COMT: variants seen among roughly 807,000 people sequenced by gnomAD.
COMT encodes catechol-O-methyltransferase, also known as catechol O-methyltransferase.
A neutral mutation model predicts 18.9 loss-of-function variants in COMT; 13 were observed. That is an observed-to-expected ratio of 0.69 (90% CI 0.45 to 1.09). The LOEUF is 1.09. Ranked by LOEUF, COMT falls within the 50% of genes least tolerant of loss-of-function variation. COMT has a pLI of 0.00. For missense variants in COMT, 329 were observed against 361.8 expected (o/e 0.91, Z 0.73); for synonymous variants, 150 against 160.9 (o/e 0.93, Z 0.51).
At chr22:19,965,824 G>A (rs1942361725) in intron 5 of COMT, among the ~76,000 whole-genome samples, 1 of 152,028 alleles carries the variant, frequency 6.6e-6, no homozygotes, top group Non-Finnish European at 1.5e-5. Context: ...GGCATTGGGA[G>A]GGTGGGAGGG....
chr22:19,958,463 C>A (rs912314564), intron 1 of COMT, among the ~76,000 whole-genome samples: 32 of 151,636 alleles, frequency 2.1e-4, no homozygotes, highest in Non-Finnish European at 4.6e-4. Flanking sequence ...CCAGGTCTGA[C>A]CACATGTTTA....
At chr22:19,953,116 G>C (rs1004769422) in intron 1 of COMT, among the ~76,000 whole-genome samples, 27 of 152,112 alleles carry the variant, frequency 1.8e-4, no homozygotes, top group Non-Finnish European at 3.7e-4. Context: ...TGATGGGGGA[G>C]TCTTTGTCCA....
intron 1 of COMT, among the ~76,000 whole-genome samples, chr22:19,952,284 G>A (rs773918936): frequency 5.3e-5 from 8 of 150,424 alleles, no homozygotes; most frequent in Non-Finnish European, 7.4e-5. Flanking sequence ...CAGCCTGGGC[G>A]GCAGAGGTGA....
intron 1 of COMT, among the ~76,000 whole-genome samples, chr22:19,959,345 G>A (rs994363541): frequency 6.6e-6 from 1 of 152,266 alleles, no homozygotes; most frequent in Non-Finnish European, 1.5e-5. Flanking sequence ...AGTGGCCGGT[G>A]ACAGCGCAGG....
At chr22:19,946,706 A>G (rs1013441583) in intron 1 of COMT, among the ~76,000 whole-genome samples, 5 of 152,186 alleles carry the variant, frequency 3.3e-5, no homozygotes, top group Non-Finnish European at 7.3e-5. Context: ...ACGATTTACA[A>G]GGAATGTTGG....
At chr22:19,954,640 C>A (rs187288737) in intron 1 of COMT, among the ~76,000 whole-genome samples, 111 of 152,154 alleles carry the variant, frequency 7.3e-4, no homozygotes, top group Non-Finnish European at 2.8e-4. Context: ...TTAATAGAGA[C>A]TGGGGTTTCA....
At chr22:19,947,295 C>T (rs1274022509) in intron 1 of COMT, among the ~76,000 whole-genome samples, 1 of 152,034 alleles carries the variant, frequency 6.6e-6, no homozygotes, top group Non-Finnish European at 1.5e-5. Context: ...GGGTTTTTCT[C>T]CCCGTGTGCA....
chr22:19,967,466 G>A (rs1448858468), intron 5 of COMT: 1 of 457,034 alleles, frequency 2.2e-6, no homozygotes, highest in South Asian at 1.6e-5. Context: ...GGACCTTGGG[G>A]CTGTCCCCTG....
At chr22:19,964,588 G>A in intron 5 of COMT, 2 of 611,702 alleles carry the variant, frequency 3.3e-6, no homozygotes, top group Non-Finnish European at 5.8e-6. Flanking sequence ...GCACACCCCA[G>A]ACCAGACACC....
At chr22:19,947,181 G>A (rs1031026039) in intron 1 of COMT, among the ~76,000 whole-genome samples, 33 of 152,224 alleles carry the variant, frequency 2.2e-4, no homozygotes, top group Admixed American at 1.8e-3. Context: ...CTTCCAAAGT[G>A]TTGGGATTAC....
intron 1 of COMT, among the ~76,000 whole-genome samples, chr22:19,952,907 C>T (rs1251501102): frequency 2.0e-5 from 3 of 151,750 alleles, no homozygotes; most frequent in African/African-American, 7.3e-5. Context: ...GCCGAGATCG[C>T]GCCACTGCAC....
chr22:19,966,433 C>G (rs1008955323), intron 5 of COMT, among the ~76,000 whole-genome samples: 2 of 85,044 alleles, frequency 2.4e-5, no homozygotes, highest in Non-Finnish European at 4.7e-5. Flanking sequence ...ATGAGTTCCC[C>G]CTTAAAAAAA....
Position 19,957,076 on chromosome 22 carries a change from G to A in COMT, c.-91-4123G>A, listed in dbSNP as rs530294648. 2.4e-3 allele frequency among the ~76,000 whole-genome samples: 358 copies of A among 149,674 alleles called. 1 individual carries two copies. The highest frequency in any genetic ancestry group is 3.7e-3 in the Non-Finnish European group (247 of 67,510). ...CGCCATTCTCCTGCCTCAGCCTCCC[G>A]AGTAGCTGGGACTACAGGTGCCTGC... is the stretch of plus-strand genomic sequence containing the variant. On this transcript the variant is annotated intron_variant, in intron 1 of 5. Transcript: ENST00000361682.
At chr22:19,947,916 A>G (rs1941865869) in intron 1 of COMT, among the ~76,000 whole-genome samples, 3 of 152,238 alleles carry the variant, frequency 2.0e-5, no homozygotes, top group African/African-American at 4.8e-5. Context: ...TGACGTTACC[A>G]CTAGACCAAG....
At chr22:19,945,054 G>C (rs1941814134) in intron 1 of COMT, among the ~76,000 whole-genome samples, 1 of 152,120 alleles carries the variant, frequency 6.6e-6, no homozygotes, top group African/African-American at 2.4e-5. Context: ...AACAGTAATT[G>C]ACCACACAGG....
rs35689277 is a variant in COMT, at chr22:19,946,910, G to GTTT, written c.-92+5034_-92+5036dup. Among the ~76,000 whole-genome samples, 60 of 117,088 alleles carry GTTT rather than the reference G, an allele frequency of 5.1e-4. 2 individuals carry two copies. Among genetic ancestry groups the GTTT allele is most frequent in the South Asian group, 8.3e-4 (3 of 3,596 alleles). The allele number at this position is 117,088 out of a possible 152,430, so 76.8% of individuals were successfully genotyped here. ...TAGCATTAAAAAAAATTTTTTTTTA[G>GTTT]TTTTTTTTTTTTTTTTTTTTTTTGA... On this transcript the variant is annotated intron_variant, in intron 1 of 5. Transcript: ENST00000361682.
chr22:19,956,397 G>A (rs1183406187), intron 1 of COMT, among the ~76,000 whole-genome samples: 26 of 97,614 alleles, frequency 2.7e-4, no homozygotes, highest in African/African-American at 1.1e-3. Flanking sequence ...TTTTTTTTGA[G>A]ACGGAGTCTC....
intron 5 of COMT, chr22:19,967,277 A>G (rs1601541095): frequency 8.4e-7 from 1 of 1,187,416 alleles, no homozygotes; most frequent in East Asian, 5.7e-5. Context: ...CAGGCCCCTC[A>G]CTCATGCATT....
intron 5 of COMT, chr22:19,965,159 T>A (rs1942322131): frequency 1.3e-5 from 2 of 155,004 alleles, no homozygotes; most frequent in Admixed American, 1.3e-4. Context: ...CAGAGAATGT[T>A]CCAGGAACAA....
Sources: allele counts gnomAD v4.1 joint callset (sites outside exome capture counted in the v4.1 genomes callset), GRCh38; gene constraint gnomAD v4.1.1; transcripts MANE v1.5; gene names NCBI Gene and HGNC (gene_info 2026-07-23, HGNC 2026-07-21).